NAALADL2: variants seen among roughly 807,000 people sequenced by gnomAD.
NAALADL2 encodes inactive N-acetylated-alpha-linked acidic dipeptidase-like protein 2.
NAALADL2 carries 76 observed loss-of-function variants against 87.2 expected under a neutral mutation model. The ratio of observed to expected loss-of-function variants is 0.87; its 90% confidence interval spans 0.72 to 1.05. NAALADL2 has a LOEUF of 1.05. NAALADL2 is among the 50% of genes least tolerant of loss of function. The pLI, the probability that NAALADL2 is intolerant of heterozygous loss-of-function variation, is 0.00. For missense variants in NAALADL2, 1,089 were observed against 945.8 expected, an observed-to-expected ratio of 1.15 and a Z score of -1.99; for synonymous variants, 354 against 331.0, an observed-to-expected ratio of 1.07 and a Z score of -0.75.
chr3:175,351,326 TAAA>T (rs1490968312), intron 5 of NAALADL2, among the ~76,000 whole-genome samples: 18 of 152,204 alleles, frequency 1.2e-4, no homozygotes, highest in African/African-American at 1.9e-4. Flanking sequence ...GTGTATATGA[TAAA>T]AATCTGATGT....
At chr3:174,641,242 C>G (rs941503816) in intron 2 of NAALADL2, among the ~76,000 whole-genome samples, 1 of 152,124 alleles carries the variant, frequency 6.6e-6, no homozygotes, top group African/African-American at 2.4e-5. Context: ...GGGAGGACCG[C>G]GGGCCTCGGT....
At chr3:175,247,011 A>T (rs1182571624) in intron 3 of NAALADL2, among the ~76,000 whole-genome samples, 1 of 152,222 alleles carries the variant, frequency 6.6e-6, no homozygotes, top group Non-Finnish European at 1.5e-5. Flanking sequence ...CTACGTAGTA[A>T]TTACATAAAT....
At chr3:175,412,891 T>TTATTATTATTA (rs1553887808) in intron 5 of NAALADL2, among the ~76,000 whole-genome samples, 27 of 123,008 alleles carry the variant, frequency 2.2e-4, no homozygotes, top group Middle Eastern at 4.7e-3. Flanking sequence ...ATTTAATTTA[T>TTATTATTATTA]TTATTATTAT....
intron 6 of NAALADL2, among the ~76,000 whole-genome samples, chr3:175,457,320 C>T (rs1402152998): frequency 6.6e-6 from 1 of 152,046 alleles, no homozygotes; most frequent in African/African-American, 2.4e-5. Flanking sequence ...GCTGCTACTA[C>T]CTATGATCAC....
chr3:175,244,395 A>G (rs1239061559), intron 3 of NAALADL2, among the ~76,000 whole-genome samples: 2 of 152,048 alleles, frequency 1.3e-5, no homozygotes, highest in Non-Finnish European at 2.9e-5. Flanking sequence ...TTTCATTTCT[A>G]GGATTTATCA....
intron 2 of NAALADL2, among the ~76,000 whole-genome samples, chr3:174,569,540 T>C (rs1018517115): frequency 6.6e-6 from 1 of 152,098 alleles, no homozygotes; most frequent in Non-Finnish European, 1.5e-5. Flanking sequence ...AGTTTTCTCT[T>C]GGTAATGAGT....
intron 1 of NAALADL2, among the ~76,000 whole-genome samples, chr3:174,531,690 A>G (rs765627237): frequency 1.2e-4 from 18 of 152,188 alleles, no homozygotes; most frequent in Non-Finnish European, 2.4e-4. Context: ...GGTAAACTCG[A>G]TTCTGTTTTG....
chr3:175,061,660 C>T (rs1053493661), intron 1 of NAALADL2, among the ~76,000 whole-genome samples: 5 of 151,482 alleles, frequency 3.3e-5, no homozygotes, highest in African/African-American at 9.7e-5. Context: ...TAGATTATTT[C>T]TCTTCCATTC....
intron 1 of NAALADL2, among the ~76,000 whole-genome samples, chr3:175,077,449 A>T (rs1016121623): frequency 1.3e-5 from 2 of 152,216 alleles, no homozygotes; most frequent in Admixed American, 6.5e-5. Flanking sequence ...CAGCATTTAA[A>T]TTTAAAGTCT....
At chr3:174,943,467 C>T (rs1738924057) in intron 1 of NAALADL2, among the ~76,000 whole-genome samples, 1 of 152,174 alleles carries the variant, frequency 6.6e-6, no homozygotes, top group African/African-American at 2.4e-5. Flanking sequence ...GTTCCTCTCC[C>T]TCTTGAATGC....
chr3:175,518,832 C>T (rs1207238394), intron 9 of NAALADL2, among the ~76,000 whole-genome samples: 3 of 152,040 alleles, frequency 2.0e-5, no homozygotes, highest in African/African-American at 7.2e-5. Context: ...GATTAAGTTT[C>T]GTAGATCAAA....
chr3:175,099,906 T>A (rs541381197), intron 2 of NAALADL2, among the ~76,000 whole-genome samples: 88 of 152,136 alleles, frequency 5.8e-4, no homozygotes, highest in African/African-American at 1.8e-3. Context: ...AATGCATGAA[T>A]AAATGAGAAA....
chr3:175,217,717 T>C (rs1351175234), intron 2 of NAALADL2, among the ~76,000 whole-genome samples: 1 of 152,224 alleles, frequency 6.6e-6, no homozygotes, highest in African/African-American at 2.4e-5. Context: ...ACTCATGCAT[T>C]ATGTGGCCTT....
At chr3:174,502,316 T>A (rs1718949316) in intron 1 of NAALADL2, among the ~76,000 whole-genome samples, 1 of 152,178 alleles carries the variant, frequency 6.6e-6, no homozygotes, top group South Asian at 2.1e-4. Flanking sequence ...TGTTAGAAAA[T>A]ATAACAGTTA....
At chr3:175,260,554 T>C (rs1046416509) in intron 4 of NAALADL2, among the ~76,000 whole-genome samples, 2 of 152,164 alleles carry the variant, frequency 1.3e-5, no homozygotes, top group African/African-American at 4.8e-5. Context: ...ATTCTGGAGC[T>C]AAAATTCAGA....
At chr3:175,672,653 G>C (rs1320062237) in intron 11 of NAALADL2, among the ~76,000 whole-genome samples, 1 of 152,158 alleles carries the variant, frequency 6.6e-6, no homozygotes, top group Non-Finnish European at 1.5e-5. Context: ...GAAACTAAAA[G>C]AGTAGGACTT....
intron 9 of NAALADL2, among the ~76,000 whole-genome samples, chr3:175,507,571 C>T (rs372930878): frequency 2.4e-4 from 37 of 152,014 alleles, no homozygotes; most frequent in East Asian, 1.4e-3. Context: ...TACAGGTGCC[C>T]GTAACCATGC....
At chr3:175,354,538 A>G (rs751207990) in intron 5 of NAALADL2, among the ~76,000 whole-genome samples, 1 of 152,220 alleles carries the variant, frequency 6.6e-6, no homozygotes. Context: ...GGATGATTCT[A>G]TCACATATAC....
chr3:174,858,693 G>A (rs900876945), upstream of NAALADL2, among the ~76,000 whole-genome samples: 19 of 151,936 alleles, frequency 1.3e-4, no homozygotes, highest in Non-Finnish European at 2.4e-4. Flanking sequence ...AGAAGGAAAA[G>A]GAAGAGGAAA....
Sources: allele counts gnomAD v4.1 joint callset (sites outside exome capture counted in the v4.1 genomes callset), GRCh38; gene constraint gnomAD v4.1.1; transcripts MANE v1.5; gene names NCBI Gene and HGNC (gene_info 2026-07-23, HGNC 2026-07-21).